SORCS3: variants seen among roughly 807,000 people sequenced by gnomAD.
The protein encoded by SORCS3 is sortilin related VPS10 domain containing receptor 3.
Under a neutral mutation model 146.3 loss-of-function variants are expected in SORCS3, and 57 were observed. The ratio of observed to expected loss-of-function variants is 0.39; its 90% CI spans 0.31 to 0.49. The LOEUF (loss-of-function observed/expected upper bound fraction) is 0.49, where lower values mean the gene tolerates loss of function less well. SORCS3 is among the 20% of genes least tolerant of loss of function. SORCS3 has a pLI of 0.92. For synonymous variants in SORCS3, 653 were observed against 618.5 expected (o/e 1.06, Z -0.83); for missense variants, 1,341 against 1,575.5 (o/e 0.85, Z 2.52).
chr10:104,972,390 A>C (rs534494961), intron 3 of SORCS3, among the ~76,000 whole-genome samples: 1 of 152,268 alleles, frequency 6.6e-6, no homozygotes, highest in African/African-American at 2.4e-5. Flanking sequence ...GAAGATGATA[A>C]ACCTTCTGTG....
intron 1 of SORCS3, among the ~76,000 whole-genome samples, chr10:104,790,587 C>G (rs1163771735): frequency 1.3e-5 from 2 of 152,176 alleles, no homozygotes; most frequent in Non-Finnish European, 2.9e-5. Flanking sequence ...TATTCTGTTG[C>G]ATTGTTTGTC....
chr10:105,228,168 T>G (rs1473938540), intron 20 of SORCS3, among the ~76,000 whole-genome samples: 1 of 152,058 alleles, frequency 6.6e-6, no homozygotes, highest in Non-Finnish European at 1.5e-5. Flanking sequence ...TTTGTATACC[T>G]TTGTCCCTTT....
chr10:105,252,964 A>T, intron 23 of SORCS3, 58 bp downstream of exon 23: 2 of 1,571,834 alleles, frequency 1.3e-6, no homozygotes, highest in South Asian at 2.4e-5. Context: ...CTGAGAGGGC[A>T]CAAAGCTGTT....
chr10:104,820,790 TTACAA>T (rs1275150131), intron 1 of SORCS3, among the ~76,000 whole-genome samples: 2 of 152,204 alleles, frequency 1.3e-5, no homozygotes, highest in Non-Finnish European at 2.9e-5. Context: ...AATATTAGTA[TTACAA>T]TACAATAAGA....
chr10:104,647,752 T>A (rs1181073193), intron 1 of SORCS3, among the ~76,000 whole-genome samples: 1 of 152,220 alleles, frequency 6.6e-6, no homozygotes, highest in Non-Finnish European at 1.5e-5. Context: ...TTAATAACAC[T>A]GAGTTTAGAC....
chr10:104,723,753 C>A (rs1589473419), intron 1 of SORCS3, among the ~76,000 whole-genome samples: 1 of 152,072 alleles, frequency 6.6e-6, no homozygotes, highest in East Asian at 1.9e-4. Context: ...CTCTTTTGAT[C>A]TTTGTTGTTT....
chr10:104,804,954 A>G (rs1156583683), intron 1 of SORCS3, among the ~76,000 whole-genome samples: 1 of 152,212 alleles, frequency 6.6e-6, no homozygotes, highest in African/African-American at 2.4e-5. Flanking sequence ...AGTCACTCAA[A>G]TAAGTGGAGT....
intron 7 of SORCS3, among the ~76,000 whole-genome samples, chr10:105,112,547 T>G (rs1001291790): frequency 6.6e-6 from 1 of 152,126 alleles, no homozygotes; most frequent in Admixed American, 6.6e-5. Context: ...AGATGCTATA[T>G]GAGCACAGTA....
At position 104,673,272 on chromosome 10, in the gene SORCS3, A is replaced by C. The variant is rs77296091; in HGVS notation, c.627+31318A>C. 5.4e-3 allele frequency among the ~76,000 whole-genome samples: 818 copies of C among 152,268 alleles called. 8 individuals are homozygous for C. The highest frequency in any genetic ancestry group is 0.019 in the African/African-American group (771 of 41,560). On this transcript the variant is annotated intron_variant, in intron 1 of 26. Transcript: ENST00000369701. ...CATTTATAGTTAATTACTGATAAGGAGGTACTTACTTCTGACATGTTGATA... is the reference window on the plus strand; with the variant it reads ...CATTTATAGTTAATTACTGATAAGGCGGTACTTACTTCTGACATGTTGATA...
intron 1 of SORCS3, among the ~76,000 whole-genome samples, chr10:104,685,458 A>G (rs796767410): frequency 1.3e-5 from 2 of 152,188 alleles, no homozygotes; most frequent in African/African-American, 4.8e-5. Flanking sequence ...CTCCCTGCCC[A>G]CCCAGGAGGA....
intron 7 of SORCS3, among the ~76,000 whole-genome samples, chr10:105,110,298 T>C (rs2055851010): frequency 6.6e-6 from 1 of 152,094 alleles, no homozygotes. Flanking sequence ...AGGTGAGCTC[T>C]TCATCATACA....
At position 105,247,221 on chromosome 10, in the gene SORCS3, T is replaced by C. The variant is rs1286033949; in HGVS notation, c.2995T>C (p.Tyr999His). The C allele has an allele frequency of 6.3e-7, 1 of 1,578,512 alleles. No individual in the cohort carries two copies. ...TTAAACATTCTCTCTCCCTGCAGAA[T>C]ATTTCCAGTCCCAGCTTTTATCATT... is the stretch of plus-strand genomic sequence containing the variant. ...QDTKEIAVHE[Y>H]FQSQLLSFSP... The change falls in exon 22 of 27, where the codon TAT becomes CAT. Residue 999 changes from tyrosine to histidine, a missense_variant and splice_region_variant. By Grantham distance (83) the Tyr-to-His change is moderately conservative (BLOSUM62 2). Transcript: ENST00000369701.
At chr10:104,880,624 C>CT (rs2018620891) in intron 2 of SORCS3, among the ~76,000 whole-genome samples, 2 of 71,576 alleles carry the variant, frequency 2.8e-5, no homozygotes, top group Non-Finnish European at 5.2e-5. Flanking sequence ...CCGTAGGTTG[C>CT]TACTTCTGCC....
intron 1 of SORCS3, among the ~76,000 whole-genome samples, chr10:104,824,780 C>G (rs539528018): frequency 3.9e-4 from 59 of 152,346 alleles, no homozygotes; most frequent in African/African-American, 1.4e-3. Context: ...AGGAAATTCA[C>G]TGGAGTCAGC....
intron 2 of SORCS3, among the ~76,000 whole-genome samples, chr10:104,904,219 C>T (rs910426861): frequency 6.6e-5 from 10 of 152,116 alleles, no homozygotes; most frequent in East Asian, 5.8e-4. Context: ...CACACTTTGG[C>T]GTCAATGTGT....
At chr10:104,869,874 G>C (rs2018500363) in intron 2 of SORCS3, among the ~76,000 whole-genome samples, 1 of 152,192 alleles carries the variant, frequency 6.6e-6, no homozygotes, top group Admixed American at 6.5e-5. Context: ...GAAGAGCTTA[G>C]AGTCTAGAGC....
intron 20 of SORCS3, among the ~76,000 whole-genome samples, chr10:105,243,762 C>T (rs1460452562): frequency 6.6e-6 from 1 of 152,132 alleles, no homozygotes; most frequent in Admixed American, 6.5e-5. Context: ...CCAACTCCAG[C>T]CATCAACCTC....
At chr10:104,729,359 C>G (rs1318165781) in intron 1 of SORCS3, among the ~76,000 whole-genome samples, 1 of 152,210 alleles carries the variant, frequency 6.6e-6, no homozygotes, top group Non-Finnish European at 1.5e-5. Context: ...GCCCAGAGTA[C>G]ATTTTTAATG....
intron 3 of SORCS3, among the ~76,000 whole-genome samples, chr10:104,928,088 A>G (rs1183966485): frequency 6.6e-6 from 1 of 152,178 alleles, no homozygotes; most frequent in African/African-American, 2.4e-5. Context: ...GGTTTTAAGT[A>G]TGTGGGTTTT....
Sources: gnomAD v4.1 joint callset for allele counts (sites outside exome capture counted in the v4.1 genomes callset) on GRCh38, gnomAD v4.1.1 for gene constraint, MANE v1.5 for transcripts, NCBI Gene and HGNC (gene_info 2026-07-23, HGNC 2026-07-21) for gene names.